The following AMELY variants were observed in gnomAD, a reference collection of about 807,000 sequenced individuals.
AMELY encodes the protein amelogenin Y-linked.
AMELY carries 4 observed loss-of-function variants against 4.2 expected under a neutral mutation model. The ratio of observed to expected loss-of-function variants is 0.96; its 90% CI spans 0.47 to 2.19. AMELY has a LOEUF of 2.19. Among genes scored for constraint, AMELY ranks in the 30% most tolerant of loss-of-function variants. The pLI is 0.02. For synonymous variants in AMELY, 11 were observed against 14.7 expected, an observed-to-expected ratio of 0.75 and a Z score of 0.57; for missense variants, 32 against 41.5, an observed-to-expected ratio of 0.77 and a Z score of 0.63.
intron 1 of AMELY, among the ~76,000 whole-genome samples, chrY:6,894,830 CAAAT>C (rs1471478606): frequency 2.0e-3 from 66 of 33,814 alleles, no homozygotes; most frequent in Non-Finnish European, 3.8e-3. Flanking sequence ...ACTGCATACC[CAAAT>C]AGAGTCTCTG....
At chrY:6,908,073 C>T (rs1603023586) in intron 1 of AMELY, among the ~76,000 whole-genome samples, 1 of 32,665 alleles carries the variant, frequency 3.1e-5, no homozygotes, top group South Asian at 7.0e-4. Context: ...AACTCCTGAC[C>T]TCAGGTGATC....
chrY:6,906,806 G>A (rs2011665351), intron 1 of AMELY, among the ~76,000 whole-genome samples: 1 of 31,210 alleles, frequency 3.2e-5, no homozygotes, highest in Admixed American at 3.0e-4. Flanking sequence ...TGTCACTTAG[G>A]CTGGAGTGCA....
At chrY:6,876,566 T>C (rs2054072040) in intron 1 of AMELY, among the ~76,000 whole-genome samples, 2 of 33,179 alleles carry the variant, frequency 6.0e-5, no homozygotes, top group Non-Finnish European at 1.5e-4. Flanking sequence ...TCCCCAGGGT[T>C]CCACTCTTCT....
At chrY:6,885,088 C>T (rs2054078205) in intron 1 of AMELY, among the ~76,000 whole-genome samples, 1 of 34,029 alleles carries the variant, frequency 2.9e-5, no homozygotes, top group Non-Finnish European at 7.3e-5. Flanking sequence ...AAATAACAGA[C>T]GTTGGCATGG....
At chrY:6,890,610 A>G in intron 1 of AMELY, among the ~76,000 whole-genome samples, 1 of 34,299 alleles carries the variant, frequency 2.9e-5, no homozygotes, top group Non-Finnish European at 7.2e-5. Flanking sequence ...ATTTTTAACT[A>G]CTGTTCTGTT....
intron 1 of AMELY, among the ~76,000 whole-genome samples, chrY:6,909,508 GC>G (rs2011676472): frequency 3.0e-5 from 1 of 33,174 alleles, no homozygotes; most frequent in Admixed American, 2.8e-4. Context: ...CCTTTGAATG[GC>G]AGCTGATAAG....
At chrY:6,906,449 T>C (rs909674961) in intron 1 of AMELY, among the ~76,000 whole-genome samples, 2 of 33,477 alleles carry the variant, frequency 6.0e-5, no homozygotes, top group African/African-American at 1.2e-4. Context: ...CACATACTTA[T>C]ATACATAATA....
chrY:6,883,525 C>G, intron 1 of AMELY, among the ~76,000 whole-genome samples: 16 of 32,253 alleles, frequency 5.0e-4, no homozygotes, highest in Non-Finnish European at 3.0e-4. Flanking sequence ...ACCATCGTGA[C>G]ACGTGTATAC....
chrY:6,866,606 G>A (rs372696666), intron 6 of AMELY, among the ~76,000 whole-genome samples: 5 of 28,079 alleles, frequency 1.8e-4, no homozygotes, highest in African/African-American at 4.1e-4. Context: ...AATGATAGTC[G>A]TCAGATTACT....
At chrY:6,890,928 G>A (rs2054082622) in intron 1 of AMELY, among the ~76,000 whole-genome samples, 3 of 33,185 alleles carry the variant, frequency 9.0e-5, no homozygotes, top group Admixed American at 8.3e-4. Context: ...CTCCTCATGT[G>A]AGAAGAGAGC....
chrY:6,885,059 C>G (rs776306194), intron 1 of AMELY, among the ~76,000 whole-genome samples: 65 of 33,966 alleles, frequency 1.9e-3, no homozygotes, highest in South Asian at 9.2e-3. Flanking sequence ...ATCAGAATGT[C>G]TATCAGTAAA....
At chrY:6,902,406 T>C (rs2054089905) in intron 1 of AMELY, among the ~76,000 whole-genome samples, 1 of 33,293 alleles carries the variant, frequency 3.0e-5, no homozygotes, top group East Asian at 8.0e-4. Context: ...TTCAGCAGGT[T>C]GTGGGTTTTT....
intron 1 of AMELY, among the ~76,000 whole-genome samples, chrY:6,889,408 C>T (rs2054081895): frequency 6.2e-5 from 2 of 32,024 alleles, no homozygotes; most frequent in Non-Finnish European, 1.5e-4. Context: ...GAGAGAGATT[C>T]GGTTGGCCTC....
At chrY:6,905,405 A>G (rs2011659514) in intron 1 of AMELY, among the ~76,000 whole-genome samples, 1 of 32,467 alleles carries the variant, frequency 3.1e-5, no homozygotes, top group Non-Finnish European at 7.6e-5. Context: ...CAATAAGTCC[A>G]ATGCATTTGC....
At chrY:6,911,064 C>T (rs886460568) in intron 1 of AMELY, 15 of 36,859 alleles carry the variant, frequency 4.1e-4, no homozygotes, top group Non-Finnish European at 8.7e-4. Flanking sequence ...GTCCTGCCGG[C>T]GGCTCCGGCC....
intron 1 of AMELY, among the ~76,000 whole-genome samples, chrY:6,874,674 C>T: frequency 3.0e-5 from 1 of 33,735 alleles, no homozygotes; most frequent in Non-Finnish European, 7.4e-5. Flanking sequence ...AGTATGATGG[C>T]CTTCTTTGCC....
At chrY:6,901,222 G>A in intron 1 of AMELY, 1 of 34,903 alleles carries the variant, frequency 2.9e-5, no homozygotes, top group Non-Finnish European at 7.4e-5. Flanking sequence ...GACATCTGGA[G>A]GACCTGTTGA....
At position 6,889,793 on chromosome Y, in the gene AMELY, T is replaced by A. The variant is rs2124083663; in HGVS notation, c.-112-15722A>T. Among the ~76,000 whole-genome samples the A allele has an allele frequency of 1.0e-4, 3 of 29,340 alleles. No individual in the cohort carries two copies. In the East Asian group the frequency reaches 2.7e-3, roughly 27 times the overall value. The allele number at this position is 29,340 out of a possible 37,273, so 78.7% of individuals were successfully genotyped here. On this transcript the variant is annotated intron_variant, in intron 1 of 6. Transcript: ENST00000651267. ...AGACTCTGTCTCAAAAAAAAAAAAATTGTTTTTTGGAGTTATCGTTTGGCC... is the reference window on the plus strand; with the variant it reads ...AGACTCTGTCTCAAAAAAAAAAAAAATGTTTTTTGGAGTTATCGTTTGGCC...
rs375265005 is a variant in AMELY at position 6,891,377 on chromosome Y, C to T, written c.-112-17306G>A. On this transcript the variant is annotated intron_variant, in intron 1 of 6. Coordinates refer to ENST00000651267, the MANE Select transcript of AMELY (RefSeq NM_001143.2). The stretch of plus-strand genomic sequence containing the variant: ...TGACCACGAGTGCATGCAGCCCCAT[C>T]GTGTATCCCCCAGATTGCTCAATGA... Among the ~76,000 whole-genome samples, 169 of 33,874 alleles carry T rather than the reference C, an allele frequency of 5.0e-3. No homozygotes were observed. In the South Asian group the frequency reaches 0.076, roughly 15 times the overall value. The allele number at this position is 33,874 out of a possible 37,273, so 90.9% of individuals were successfully genotyped here. A position where few individuals can be genotyped will look rare whatever the true frequency, so the allele number is the denominator to read the frequency against.
Sources: allele counts gnomAD v4.1 joint callset (sites outside exome capture counted in the v4.1 genomes callset), GRCh38; gene constraint gnomAD v4.1.1; transcripts MANE v1.5; gene names NCBI Gene and HGNC (gene_info 2026-07-23, HGNC 2026-07-21).